Variants in FOXN3 observed in about 807,000 individuals in gnomAD.
FOXN3 encodes the protein forkhead box N3, also known as forkhead box protein N3.
In FOXN3, 7 loss-of-function variants were observed where a neutral mutation model predicts 38.4. The ratio of observed to expected loss-of-function variants is 0.18; its 90% CI spans 0.10 to 0.34. The LOEUF is 0.34. FOXN3 is among the 10% of genes least tolerant of loss of function. The pLI is 1.00. For synonymous variants in FOXN3, 230 were observed against 242.2 expected, an observed-to-expected ratio of 0.95 and a Z score of 0.47; for missense variants, 456 against 613.4, an observed-to-expected ratio of 0.74 and a Z score of 2.71.
At chr14:89,567,322 T>A (rs879399694) in intron 1 of FOXN3, among the ~76,000 whole-genome samples, 3 of 152,190 alleles carry the variant, frequency 2.0e-5, no homozygotes, top group Non-Finnish European at 2.9e-5. Context: ...AAGCAGATAA[T>A]TGTGCTCACT....
intron 4 of FOXN3, among the ~76,000 whole-genome samples, chr14:89,202,374 C>T (rs528567973): frequency 6.5e-4 from 99 of 152,344 alleles, no homozygotes; most frequent in Non-Finnish European, 1.2e-3. Context: ...ATCACACACC[C>T]GGTCCCACTA....
intron 3 of FOXN3, among the ~76,000 whole-genome samples, chr14:89,288,195 A>T (rs983316648): frequency 9.9e-5 from 15 of 152,230 alleles, no homozygotes; most frequent in African/African-American, 2.7e-4. Context: ...ACAATTGCTG[A>T]GGAGGCATGA....
Position 89,431,022 on chromosome 14 carries a change from C to T in FOXN3, c.-14-18532G>A, listed in dbSNP as rs143325114. Among the ~76,000 whole-genome samples the T allele has an allele frequency of 7.0e-3, 1,071 of 152,312 alleles. 17 individuals are homozygous for T. The highest frequency in any genetic ancestry group is 0.023 in the African/African-American group (939 of 41,568). ...ATCTCCATTTAAGGAAAATGGTTTT[C>T]TCAGTTTCTTGCACATGACCTAAAG... On this transcript the variant is annotated intron_variant, in intron 1 of 6. Coordinates refer to the FOXN3 transcript ENST00000345097.
At chr14:89,562,449 G>A (rs1032273836) in intron 1 of FOXN3, among the ~76,000 whole-genome samples, 37 of 151,910 alleles carry the variant, frequency 2.4e-4, no homozygotes, top group African/African-American at 7.5e-4. Context: ...CAGTAGAGAC[G>A]GGGTTTCACC....
intron 2 of FOXN3, among the ~76,000 whole-genome samples, chr14:89,408,041 G>A (rs996118426): frequency 6.6e-6 from 1 of 152,130 alleles, no homozygotes; most frequent in Non-Finnish European, 1.5e-5. Context: ...TCCTTTCAGA[G>A]ATAAAACGAA....
chr14:89,301,290 G>A (rs1887209889), intron 3 of FOXN3, among the ~76,000 whole-genome samples: 1 of 144,798 alleles, frequency 6.9e-6, no homozygotes, highest in South Asian at 2.3e-4. Flanking sequence ...GGGTAACATA[G>A]GGAGATCCCA....
At chr14:89,618,354 T>C (rs1896531705) in intron 1 of FOXN3, among the ~76,000 whole-genome samples, 1 of 152,056 alleles carries the variant, frequency 6.6e-6, no homozygotes, top group African/African-American at 2.4e-5. Context: ...GCATGAAAAA[T>C]AGTCTCTTCA....
intron 2 of FOXN3, among the ~76,000 whole-genome samples, chr14:89,359,924 C>T (rs1259168563): frequency 6.6e-6 from 1 of 152,212 alleles, no homozygotes; most frequent in Non-Finnish European, 1.5e-5. Flanking sequence ...ATGGTGGGAA[C>T]TGGAGCGGAT....
chr14:89,475,196 T>C (rs1596289417), intron 1 of FOXN3, among the ~76,000 whole-genome samples: 1 of 152,204 alleles, frequency 6.6e-6, no homozygotes, highest in South Asian at 2.1e-4. Context: ...CACCCATATA[T>C]ATAAAGACAT....
chr14:89,582,440 C>T lies in FOXN3; in HGVS notation c.-15+36588G>A, dbSNP rs151035993. On this transcript the variant is annotated intron_variant, in intron 1 of 6. Transcript: ENST00000345097. ...AATAGCCAACTGAAGAATATAAATACCTTAGCCTAAGCGTGAAGAGCCTAG... is the reference window on the plus strand; with the variant it reads ...AATAGCCAACTGAAGAATATAAATATCTTAGCCTAAGCGTGAAGAGCCTAG... 1.7e-3 allele frequency among the ~76,000 whole-genome samples: 253 copies of T among 151,642 alleles called. 1 individual carries two copies. Among genetic ancestry groups the T allele is most frequent in the Middle Eastern group, 6.9e-3 (2 of 288 alleles).
chr14:89,546,869 C>T (rs1322659707), intron 1 of FOXN3, among the ~76,000 whole-genome samples: 8 of 151,586 alleles, frequency 5.3e-5, no homozygotes, highest in East Asian at 3.9e-4. Flanking sequence ...CTGCAACCTC[C>T]GCCTCCCAGG....
At chr14:89,180,603 C>T (rs1887640342) in intron 5 of FOXN3, 98 bp downstream of exon 5, 3 of 812,406 alleles carry the variant, frequency 3.7e-6, no homozygotes, top group South Asian at 2.4e-5. Flanking sequence ...GTCACTAGTT[C>T]GAAGCAGCTC....
intron 4 of FOXN3, among the ~76,000 whole-genome samples, chr14:89,255,468 G>C (rs1885588485): frequency 6.6e-6 from 1 of 151,870 alleles, no homozygotes; most frequent in South Asian, 2.1e-4. Flanking sequence ...CTAGGCTCTA[G>C]GAATGGCGAG....
intron 3 of FOXN3, among the ~76,000 whole-genome samples, chr14:89,305,178 G>T (rs1887336508): frequency 6.6e-6 from 1 of 152,198 alleles, no homozygotes; most frequent in South Asian, 2.1e-4. Flanking sequence ...TGTACCCACT[G>T]AGGGCCACTA....
chr14:89,448,036 A>C (rs960142899), intron 1 of FOXN3, among the ~76,000 whole-genome samples: 18 of 150,650 alleles, frequency 1.2e-4, no homozygotes, highest in African/African-American at 4.1e-4. Flanking sequence ...CTGGTCTCGA[A>C]CTCCTGACCT....
intron 1 of FOXN3, among the ~76,000 whole-genome samples, chr14:89,506,265 G>A (rs1385812707): frequency 1.7e-5 from 1 of 59,252 alleles, no homozygotes; most frequent in South Asian, 6.3e-4. Flanking sequence ...CGCCCCGTCC[G>A]GGAGGGAGGT....
intron 5 of FOXN3, among the ~76,000 whole-genome samples, chr14:89,174,649 CTAGAATGTTGA>C (rs1471879462): frequency 6.6e-6 from 1 of 152,170 alleles, no homozygotes; most frequent in African/African-American, 2.4e-5. Flanking sequence ...AGGAGCAGCT[CTAGAATGTTGA>C]TCAAATTTCA....
chr14:89,566,869 C>T (rs1039850703), intron 1 of FOXN3, among the ~76,000 whole-genome samples: 14 of 151,836 alleles, frequency 9.2e-5, no homozygotes, highest in African/African-American at 3.1e-4. Flanking sequence ...TCTCACCCCC[C>T]TCCTCTTCCT....
At chr14:89,298,287 G>A (rs566935046) in intron 3 of FOXN3, among the ~76,000 whole-genome samples, 4 of 152,070 alleles carry the variant, frequency 2.6e-5, no homozygotes, top group Non-Finnish European at 4.4e-5. Context: ...AGGTGGAGGG[G>A]AACGGGGGGA....
Sources: allele counts gnomAD v4.1 joint callset (sites outside exome capture counted in the v4.1 genomes callset), GRCh38; gene constraint gnomAD v4.1.1; transcripts MANE v1.5; gene names NCBI Gene and HGNC (gene_info 2026-07-23, HGNC 2026-07-21).